Variants in KCNH1 observed in about 807,000 individuals in gnomAD.
KCNH1 encodes the protein voltage-gated delayed rectifier potassium channel KCNH1.
Under a neutral mutation model 69.2 loss-of-function variants are expected in KCNH1, and 27 were observed. The observed-to-expected ratio is 0.39, with a 90% confidence interval of 0.29 to 0.54. KCNH1 has a LOEUF of 0.54. KCNH1 is among the 20% of genes least tolerant of loss of function. The pLI is 0.68. For missense variants in KCNH1, 798 were observed against 1,261.6 expected (o/e 0.63, Z 5.57); for synonymous variants, 456 against 487.7 (o/e 0.93, Z 0.86).
intron 6 of KCNH1, among the ~76,000 whole-genome samples, chr1:210,978,139 C>A (rs1011313745): frequency 4.6e-5 from 7 of 151,454 alleles, no homozygotes; most frequent in Non-Finnish European, 7.4e-5. Context: ...CCCTGGTTCA[C>A]GCCATTCCCC....
At chr1:210,857,143 T>C (rs911483242) in intron 7 of KCNH1, among the ~76,000 whole-genome samples, 16 of 151,916 alleles carry the variant, frequency 1.1e-4, no homozygotes, top group African/African-American at 3.9e-4. Flanking sequence ...CATTAAAATC[T>C]GAGAAGCACT....
chr1:210,684,750 G>C (rs1681371160), intron 10 of KCNH1, among the ~76,000 whole-genome samples: 1 of 152,148 alleles, frequency 6.6e-6, no homozygotes, highest in Admixed American at 6.5e-5. Flanking sequence ...CCTTGTCTTG[G>C]GGAGCTTACA....
chr1:210,734,687 C>A (rs765579018), intron 10 of KCNH1, among the ~76,000 whole-genome samples: 1 of 151,938 alleles, frequency 6.6e-6, no homozygotes. Context: ...GAAGATGCCA[C>A]CCCCCTTGGC....
chr1:210,887,667 G>T (rs1686643388), intron 7 of KCNH1, among the ~76,000 whole-genome samples: 1 of 135,998 alleles, frequency 7.4e-6, no homozygotes, highest in Non-Finnish European at 1.5e-5. Flanking sequence ...GTGCAAAGAT[G>T]CACATAGGCT....
intron 10 of KCNH1, among the ~76,000 whole-genome samples, chr1:210,746,982 T>C (rs539188926): frequency 6.6e-6 from 1 of 152,232 alleles, no homozygotes; most frequent in African/African-American, 2.4e-5. Flanking sequence ...GAATCTTCTG[T>C]CCAGTAATAT....
At chr1:210,742,843 CTGTG>C (rs368616089) in intron 10 of KCNH1, among the ~76,000 whole-genome samples, 1 of 151,658 alleles carries the variant, frequency 6.6e-6, no homozygotes, top group Non-Finnish European at 1.5e-5. Flanking sequence ...TGGTGTGTGT[CTGTG>C]TGTGTGTGTG....
In KCNH1 at chr1:210,756,407, T is replaced by A. The variant is rs536648268; in HGVS notation, c.2112+18941A>T. Among the ~76,000 whole-genome samples, 69 of 152,356 alleles carry A rather than the reference T, an allele frequency of 4.5e-4. 1 individual carries two copies. In the South Asian group the frequency reaches 0.014, roughly 31 times the overall value. ...TCATACTTTGTCAACCAGAAGTTATTTTCATATCTGGTTTAAGCATTTGCA... is the reference window on the plus strand; with the variant it reads ...TCATACTTTGTCAACCAGAAGTTATATTCATATCTGGTTTAAGCATTTGCA... On this transcript the variant is annotated intron_variant, in intron 10 of 10. Transcript: ENST00000271751.
chr1:210,834,086 G>A (rs1326514685), intron 7 of KCNH1, among the ~76,000 whole-genome samples: 1 of 152,070 alleles, frequency 6.6e-6, no homozygotes, highest in African/African-American at 2.4e-5. Flanking sequence ...CACTGTTGGT[G>A]GGACTGTAAA....
chr1:210,991,528 G>T (rs571267200), intron 6 of KCNH1, among the ~76,000 whole-genome samples: 1 of 151,740 alleles, frequency 6.6e-6, no homozygotes, highest in Non-Finnish European at 1.5e-5. Flanking sequence ...AAGTTTTAGT[G>T]ATCTATTGCT....
chr1:210,986,718 C>T (rs943810744), intron 6 of KCNH1, among the ~76,000 whole-genome samples: 3 of 152,096 alleles, frequency 2.0e-5, no homozygotes, highest in South Asian at 2.1e-4. Flanking sequence ...CCCTTAACAT[C>T]TTTTCCTTCA....
chr1:211,015,086 T>A (rs1414161513), intron 6 of KCNH1, among the ~76,000 whole-genome samples: 2 of 152,164 alleles, frequency 1.3e-5, no homozygotes, highest in Admixed American at 6.5e-5. Flanking sequence ...AACTGCTGGG[T>A]CTGTCCCTTG....
chr1:211,063,256 T>G (rs1401756117), intron 5 of KCNH1: 1 of 152,078 alleles, frequency 6.6e-6, no homozygotes, highest in East Asian at 1.9e-4. Flanking sequence ...AAAAAATAAT[T>G]AAACTCATGA....
chr1:210,826,340 TCTC>T (rs1257557150), intron 7 of KCNH1, among the ~76,000 whole-genome samples: 1 of 152,168 alleles, frequency 6.6e-6, no homozygotes. Flanking sequence ...CTACACCCGT[TCTC>T]CTGGTTCTCT....
intron 10 of KCNH1, among the ~76,000 whole-genome samples, chr1:210,699,827 C>T (rs558976149): frequency 5.3e-5 from 8 of 152,244 alleles, no homozygotes; most frequent in East Asian, 3.9e-4. Flanking sequence ...TGAATGTGGA[C>T]GCTGAGGCAC....
In KCNH1 at chr1:210,718,651, T is replaced by TACAC. The variant is rs57407331; in HGVS notation, c.2113-34517_2113-34514dup. On this transcript the variant is annotated intron_variant, in intron 10 of 10. Coordinates refer to ENST00000271751, the MANE Select transcript of KCNH1 (RefSeq NM_172362.3). ...ATAAATATATATATACATATATATA[T>TACAC]ACACACACACACACACACACACACA... Among the ~76,000 whole-genome samples, 674 of 75,542 alleles carry TACAC rather than the reference T, an allele frequency of 8.9e-3. 47 individuals carry two copies. Among genetic ancestry groups the TACAC allele is most frequent in the East Asian group, 0.019 (67 of 3,490 alleles). 49.6% of individuals were successfully genotyped at this position (75,542 alleles called of 152,430 possible).
intron 7 of KCNH1, among the ~76,000 whole-genome samples, chr1:210,905,866 T>C (rs965702493): frequency 6.6e-6 from 1 of 152,236 alleles, no homozygotes; most frequent in Non-Finnish European, 1.5e-5. Flanking sequence ...AGTGGCATAA[T>C]GTATGTAAAA....
rs144331889 is a variant in KCNH1, at chr1:210,843,785, C to T, written c.1463-39619G>A. Among the ~76,000 whole-genome samples the T allele has an allele frequency of 4.7e-4, 71 of 152,246 alleles. No individual in the cohort carries two copies. In the East Asian group the frequency reaches 0.012, roughly 25 times the overall value. On this transcript the variant is annotated intron_variant, in intron 7 of 10. Transcript: ENST00000271751. ...TTTGTTGTAGAAACACAGCTATCAG[C>T]GTCATCTAGTTCATCTACTCTTAGA...
At chr1:211,106,389 A>G (rs1356589297) in intron 2 of KCNH1, among the ~76,000 whole-genome samples, 2 of 152,214 alleles carry the variant, frequency 1.3e-5, no homozygotes, top group Non-Finnish European at 2.9e-5. Context: ...TACCAGCTTC[A>G]CTGTCAGTAC....
chr1:210,941,373 G>A (rs1296204169), intron 6 of KCNH1, among the ~76,000 whole-genome samples: 1 of 152,156 alleles, frequency 6.6e-6, no homozygotes, highest in African/African-American at 2.4e-5. Flanking sequence ...AAGAATTTGT[G>A]GTCTGATTGC....
Sources: gnomAD v4.1 joint callset for allele counts (sites outside exome capture counted in the v4.1 genomes callset) on GRCh38, gnomAD v4.1.1 for gene constraint, MANE v1.5 for transcripts, NCBI Gene and HGNC (gene_info 2026-07-23, HGNC 2026-07-21) for gene names.